Variants in ZNF280D observed in about 807,000 individuals in gnomAD.
The protein encoded by ZNF280D is suppressor of hairy wing homolog 4.
A neutral mutation model predicts 94.7 loss-of-function variants in ZNF280D; 39 were observed. The ratio of observed to expected loss-of-function variants is 0.41; its 90% confidence interval spans 0.32 to 0.54. The LOEUF is 0.54. Ranked by LOEUF, ZNF280D falls within the 20% of genes least tolerant of loss-of-function variation. The pLI is 0.22. For synonymous variants in ZNF280D, 398 were observed against 377.6 expected, an observed-to-expected ratio of 1.05 and a Z score of -0.63; for missense variants, 1,090 against 1,149.3, an observed-to-expected ratio of 0.95 and a Z score of 0.75.
chr15:56,710,830 T>C (rs1407678203), intron 1 of ZNF280D, among the ~76,000 whole-genome samples: 1 of 152,150 alleles, frequency 6.6e-6, no homozygotes, highest in African/African-American at 2.4e-5. Flanking sequence ...AGGTGTGCTA[T>C]ATACTAGATA....
Position 56,631,982 on chromosome 15 carries a change from G to C in ZNF280D, c.2456C>G (p.Thr819Ser), listed in dbSNP as rs370304531. 3.7e-6 allele frequency: 6 copies of C among 1,613,988 alleles called. No individual in the cohort carries two copies. The highest frequency in any genetic ancestry group is 5.1e-6 in the Non-Finnish European group (6 of 1,180,002). ...ENETCLADQE[T>S]GSKNIVSCDS... is the part of the protein sequence containing the mutation. ...ACAACTGACGATGTTTTTTGAGCCAGTTTCCTGGTCTGCAAGACAGGTTTC... is the reference window on the plus strand; with the variant it reads ...ACAACTGACGATGTTTTTTGAGCCACTTTCCTGGTCTGCAAGACAGGTTTC... Residue 819 changes from threonine to serine, a missense_variant, in exon 22 of 22, where the codon ACT becomes AGT. Physicochemically the swap from Thr to Ser is moderately conservative, Grantham distance 58. Transcript: ENST00000267807.
At chr15:56,645,032 C>T (rs1484573717) in intron 19 of ZNF280D, 1 of 152,024 alleles carries the variant, frequency 6.6e-6, no homozygotes, top group East Asian at 1.9e-4. Flanking sequence ...TTATAAAATG[C>T]ATCACTAAAA....
chr15:56,720,739 C>T (rs1218077922), intron 1 of ZNF280D, among the ~76,000 whole-genome samples: 1 of 152,116 alleles, frequency 6.6e-6, no homozygotes, highest in African/African-American at 2.4e-5. Flanking sequence ...CATTAATCTT[C>T]TTGTACACTT....
chr15:56,678,601 T>C, intron 11 of ZNF280D, 63 bp downstream of exon 11: 1 of 1,348,856 alleles, frequency 7.4e-7, no homozygotes, highest in Non-Finnish European at 9.7e-7. Flanking sequence ...TTCTTAAGGT[T>C]TTCTCACAAT....
At chr15:56,725,079 C>A in intron 1 of ZNF280D, 1 of 271,136 alleles carries the variant, frequency 3.7e-6, no homozygotes, top group Non-Finnish European at 7.4e-6. Flanking sequence ...CTCTCTCAAG[C>A]CCCTCCAGGC....
intron 19 of ZNF280D, chr15:56,653,944 CATGA>C: frequency 7.4e-7 from 1 of 1,360,252 alleles, no homozygotes; most frequent in Non-Finnish European, 9.5e-7. Context: ...GAGCTAGTGT[CATGA>C]ACTTGGCTGC....
intron 1 of ZNF280D, among the ~76,000 whole-genome samples, chr15:56,713,453 A>G (rs2057881405): frequency 6.6e-6 from 1 of 152,186 alleles, no homozygotes; most frequent in Non-Finnish European, 1.5e-5. Context: ...TTACTCTCAG[A>G]AATTTTCCAA....
chr15:56,666,217 T>C (rs2054277113), intron 16 of ZNF280D, among the ~76,000 whole-genome samples, 178 bp downstream of exon 16: 1 of 152,230 alleles, frequency 6.6e-6, no homozygotes, highest in Non-Finnish European at 1.5e-5. Context: ...AGTCCCATAA[T>C]TTCTAGTTAC....
chr15:56,679,414 C>T (rs1182352090), intron 10 of ZNF280D, among the ~76,000 whole-genome samples: 3 of 152,066 alleles, frequency 2.0e-5, no homozygotes, highest in Admixed American at 1.3e-4. Context: ...ATTACAAGAA[C>T]CTTTTGTTTT....
In ZNF280D at chr15:56,645,615, C is replaced by T. The variant is rs374698050; in HGVS notation, c.2214-2618G>A. ...AGGCTGGAGTGCAATGGCATGATCT[C>T]GGCTCACTGCAACCTCCACCTCCCA... On this transcript the variant is annotated intron_variant, in intron 19 of 21. Coordinates refer to ENST00000267807, the MANE Select transcript of ZNF280D (RefSeq NM_017661.4). Among the ~76,000 whole-genome samples the T allele has an allele frequency of 3.4e-4, 52 of 152,238 alleles. No individual in the cohort carries two copies. The South Asian group carries it at 8.1e-3, about 24-fold the overall frequency.
chr15:56,661,388 A>G (rs146742011), intron 16 of ZNF280D, among the ~76,000 whole-genome samples: 192 of 152,342 alleles, frequency 1.3e-3, no homozygotes, highest in African/African-American at 4.4e-3. Flanking sequence ...ATTTGCCTAC[A>G]GCAAAAGAAA....
At chr15:56,695,836 A>AT (rs1442379834) in intron 6 of ZNF280D, among the ~76,000 whole-genome samples, 2 of 152,018 alleles carry the variant, frequency 1.3e-5, no homozygotes, top group Admixed American at 1.3e-4. Flanking sequence ...CCAAATTAAC[A>AT]TTTTTTTAGG....
intron 1 of ZNF280D, among the ~76,000 whole-genome samples, chr15:56,719,886 TAAAA>T (rs35398429): frequency 2.9e-5 from 3 of 101,716 alleles, no homozygotes; most frequent in Admixed American, 1.0e-4. Context: ...ACTTTATTGC[TAAAA>T]AAAAAAAAAA....
chr15:56,636,003 C>A (rs1462302321), intron 20 of ZNF280D, among the ~76,000 whole-genome samples: 2 of 152,082 alleles, frequency 1.3e-5, no homozygotes, highest in African/African-American at 4.8e-5. Context: ...AGTAAAGATT[C>A]AAATCTATAT....
chr15:56,669,884 TATATTATATATATATATAA>T (rs2054588538), intron 13 of ZNF280D, among the ~76,000 whole-genome samples: 1 of 7,462 alleles, frequency 1.3e-4, no homozygotes, highest in African/African-American at 3.0e-4. Context: ...TATATATATA[TATATTATATATATATATAA>T]TATATATATA....
intron 1 of ZNF280D, among the ~76,000 whole-genome samples, chr15:56,726,908 T>C (rs1258683167): frequency 2.6e-5 from 4 of 152,120 alleles, no homozygotes; most frequent in African/African-American, 9.7e-5. Context: ...AGCATACAAT[T>C]TTTATTAATA....
At chr15:56,732,849 CCA>C (rs1330514830) in intron 1 of ZNF280D, 2 of 152,250 alleles carry the variant, frequency 1.3e-5, no homozygotes, top group Admixed American at 1.3e-4. Flanking sequence ...GTCTCCAACT[CCA>C]CGTTTCTCCT....
intron 8 of ZNF280D, 35 bp downstream of exon 8, chr15:56,689,265 A>G (rs1348159265): frequency 3.8e-6 from 6 of 1,582,004 alleles, no homozygotes; most frequent in African/African-American, 2.7e-5. Flanking sequence ...TATAAATACT[A>G]TAACTTCTTT....
chr15:56,710,976 C>T (rs2057730333), intron 1 of ZNF280D, among the ~76,000 whole-genome samples: 1 of 152,188 alleles, frequency 6.6e-6, no homozygotes, highest in South Asian at 2.1e-4. Flanking sequence ...TGGCCACAAC[C>T]TTCTGCCAAG....
Sources: gnomAD v4.1 joint callset for allele counts (sites outside exome capture counted in the v4.1 genomes callset) on GRCh38, gnomAD v4.1.1 for gene constraint, MANE v1.5 for transcripts, NCBI Gene and HGNC (gene_info 2026-07-23, HGNC 2026-07-21) for gene names.